DDI2: variants seen among roughly 807,000 people sequenced by gnomAD.
DDI2 encodes the protein protein DDI1 homolog 2.
A neutral mutation model predicts 48.1 loss-of-function variants in DDI2; 5 were observed. The observed-to-expected ratio is 0.10, with a 90% CI of 0.05 to 0.22. DDI2 has a LOEUF of 0.22. Among genes scored for constraint, DDI2 ranks in the 10% least tolerant of loss-of-function variants. The pLI, the probability that DDI2 is intolerant of heterozygous loss-of-function variation, is 1.00. For synonymous variants in DDI2, 205 were observed against 183.6 expected, an observed-to-expected ratio of 1.12 and a Z score of -0.94; for missense variants, 285 against 506.2, an observed-to-expected ratio of 0.56 and a Z score of 4.19.
At chr1:15,651,005 T>C (rs7529563) in intron 7 of DDI2, among the ~76,000 whole-genome samples, 60,017 of 151,280 alleles carry the variant, frequency 0.4, 15,096 homozygotes, top group African/African-American at 0.71. Context: ...CAGGCACCCA[T>C]CACCACGCCC....
chr1:15,656,349 G>T, intron 8 of DDI2: 2 of 1,256,882 alleles, frequency 1.6e-6, no homozygotes, highest in South Asian at 1.7e-5. Context: ...ACATTTGCCC[G>T]TGAATTCTCT....
chr1:15,624,058 AAAT>A (rs1639714453), intron 1 of DDI2, among the ~76,000 whole-genome samples: 1 of 152,016 alleles, frequency 6.6e-6, no homozygotes, highest in Non-Finnish European at 1.5e-5. Flanking sequence ...GTCTCAAAAT[AAAT>A]AAATAAATAA....
chr1:15,659,723 C>A, intron 9 of DDI2, 114 bp from the exon 10 acceptor site: 5 of 1,103,198 alleles, frequency 4.5e-6, no homozygotes, highest in Admixed American at 3.0e-5. Context: ...AAGAGAAACC[C>A]GAGTTTGAGG....
intron 2 of DDI2, among the ~76,000 whole-genome samples, chr1:15,630,093 C>G (rs1398237618): frequency 6.6e-6 from 1 of 152,090 alleles, no homozygotes; most frequent in Non-Finnish European, 1.5e-5. Flanking sequence ...ATTTTATAAG[C>G]TAAAAATTTG....
chr1:15,649,871 T>C (rs753929741), intron 7 of DDI2, 48 bp downstream of exon 7: 2 of 1,551,864 alleles, frequency 1.3e-6, no homozygotes, highest in South Asian at 1.2e-5. Context: ...TTTTGTAATA[T>C]GGTCATTATC....
chr1:15,661,796 A>G lies in DDI2; in HGVS notation c.*2006A>G. ...AAGCTCTCTCTATATACACGCACAC[A>G]TACACACTCACCACATATACAGTAT... On this transcript the variant is annotated 3_prime_UTR_variant, in exon 10 of 10. Coordinates refer to ENST00000480945, the MANE Select transcript of DDI2 (RefSeq NM_032341.5). The G allele has an allele frequency of 6.7e-7, 1 of 1,487,234 alleles. No homozygotes were observed. Among genetic ancestry groups the G allele is most frequent in the Non-Finnish European group, 8.9e-7 (1 of 1,117,382 alleles). The allele number at this position is 1,487,234 out of a possible 1,614,324, so 92.1% of individuals were successfully genotyped here.
At chr1:15,643,057 A>T (rs566481334) in intron 5 of DDI2, among the ~76,000 whole-genome samples, 1 of 152,058 alleles carries the variant, frequency 6.6e-6, no homozygotes, top group Non-Finnish European at 1.5e-5. Flanking sequence ...ACAGAGCGAG[A>T]CTGTCTCAAC....
intron 5 of DDI2, among the ~76,000 whole-genome samples, chr1:15,639,704 C>G (rs1403417986): frequency 6.6e-6 from 1 of 152,160 alleles, no homozygotes; most frequent in Admixed American, 6.5e-5. Context: ...CCTCAACTCT[C>G]ATTAAGAGTT....
chr1:15,641,235 G>A (rs1299946751), intron 5 of DDI2, among the ~76,000 whole-genome samples: 1 of 152,154 alleles, frequency 6.6e-6, no homozygotes, highest in Admixed American at 6.5e-5. Flanking sequence ...ACGTTGGGAG[G>A]CTGAGGCGGG....
intron 1 of DDI2, among the ~76,000 whole-genome samples, chr1:15,624,469 T>C (rs1384783477): frequency 1.3e-5 from 2 of 152,074 alleles, no homozygotes; most frequent in East Asian, 3.9e-4. Context: ...TTTTTTTGTT[T>C]GTTTTTGTTT....
At chr1:15,656,415 T>C in intron 8 of DDI2, 1 of 1,421,426 alleles carries the variant, frequency 7.0e-7, no homozygotes, top group South Asian at 1.6e-5. Flanking sequence ...CTGTTGAAAT[T>C]AACAGATTGC....
chr1:15,622,055 G>T (rs1237280221), intron 1 of DDI2, among the ~76,000 whole-genome samples: 1 of 152,110 alleles, frequency 6.6e-6, no homozygotes, highest in African/African-American at 2.4e-5. Flanking sequence ...TTTGTGGCCG[G>T]TTTATGGTCC....
At chr1:15,644,864 A>T (rs1382808566) in intron 6 of DDI2, among the ~76,000 whole-genome samples, 1 of 150,228 alleles carries the variant, frequency 6.7e-6, no homozygotes, top group South Asian at 2.1e-4. Context: ...AAGTGCTGGG[A>T]TTACAGGCGT....
In DDI2 at chr1:15,617,558, G is replaced by A; in HGVS notation, c.-113G>A. 3 of 906,580 alleles carry A rather than the reference G, an allele frequency of 3.3e-6. No individual in the cohort carries two copies. The highest frequency in any genetic ancestry group is 2.9e-6 in the Non-Finnish European group (2 of 691,464). 56.2% of individuals were successfully genotyped at this position (906,580 alleles called of 1,614,324 possible). On this transcript the variant is annotated 5_prime_UTR_variant, in exon 1 of 10. Transcript: ENST00000480945. ...TGAGGGAGGGAGCGAGCGAGCGAACGAGCAGCCGGCGCCGTCCTCCCGCAG... is the reference window on the plus strand; with the variant it reads ...TGAGGGAGGGAGCGAGCGAGCGAACAAGCAGCCGGCGCCGTCCTCCCGCAG...
intron 6 of DDI2, among the ~76,000 whole-genome samples, chr1:15,649,379 A>G (rs1282016488): frequency 6.6e-6 from 1 of 151,066 alleles, no homozygotes; most frequent in Non-Finnish European, 1.5e-5. Context: ...AATAATGAAA[A>G]GAACTTTTCA....
intron 8 of DDI2, among the ~76,000 whole-genome samples, chr1:15,655,934 CA>C (rs901052189): frequency 2.7e-5 from 4 of 150,758 alleles, no homozygotes; most frequent in Non-Finnish European, 4.4e-5. Flanking sequence ...AAAAAAACAA[CA>C]AAAAAAAGAG....
In DDI2 at chr1:15,617,654, CG is replaced by C; in HGVS notation, c.-14del. Reference sequence around the variant, plus strand: ...CAGGCCGGGCCGAGCCGAGCCGAGCCGGGTCGGGCCCGGGCCATGCTGCTCA... The same window carrying C: ...CAGGCCGGGCCGAGCCGAGCCGAGCCGGTCGGGCCCGGGCCATGCTGCTCA... On this transcript the variant is annotated 5_prime_UTR_variant, in exon 1 of 10. Coordinates refer to ENST00000480945, the MANE Select transcript of DDI2 (RefSeq NM_032341.5). The C allele has an allele frequency of 7.0e-7, 1 of 1,418,446 alleles. No individual in the cohort carries two copies. The highest frequency in any genetic ancestry group is 1.6e-5 in the South Asian group (1 of 64,404). The allele number at this position is 1,418,446 out of a possible 1,614,324, so 87.9% of individuals were successfully genotyped here.
chr1:15,622,157 T>G (rs1386205524), intron 1 of DDI2, among the ~76,000 whole-genome samples: 1 of 151,938 alleles, frequency 6.6e-6, no homozygotes, highest in Non-Finnish European at 1.5e-5. Flanking sequence ...CACTGTATCC[T>G]CAACATGTTG....
chr1:15,630,670 A>G (rs755604718), intron 3 of DDI2, 109 bp downstream of exon 3: 5 of 786,126 alleles, frequency 6.4e-6, no homozygotes, highest in East Asian at 2.5e-5. Context: ...TTTATTGAAC[A>G]TACCAGTTTT....
Sources: allele counts gnomAD v4.1 joint callset (sites outside exome capture counted in the v4.1 genomes callset), GRCh38; gene constraint gnomAD v4.1.1; transcripts MANE v1.5; gene names NCBI Gene and HGNC (gene_info 2026-07-23, HGNC 2026-07-21).